Variants in MACROD2 observed in about 807,000 individuals in gnomAD.
MACROD2 encodes the protein ADP-ribose glycohydrolase MACROD2.
In MACROD2, 36 loss-of-function variants were observed where a neutral mutation model predicts 70.4. The observed-to-expected ratio is 0.51, with a 90% CI of 0.39 to 0.68. MACROD2 has a LOEUF of 0.68. Among genes scored for constraint, MACROD2 ranks in the 30% least tolerant of loss-of-function variants. MACROD2 has a pLI of 0.00. For synonymous variants in MACROD2, 172 were observed against 178.8 expected, an observed-to-expected ratio of 0.96 and a Z score of 0.30; for missense variants, 496 against 538.4, an observed-to-expected ratio of 0.92 and a Z score of 0.78.
chr20:14,269,805 T>G (rs558137127), intron 3 of MACROD2, among the ~76,000 whole-genome samples: 9 of 63,238 alleles, frequency 1.4e-4, no homozygotes, highest in African/African-American at 2.6e-4. Context: ...AACTTGTGGG[T>G]TTTTTTTTTA....
chr20:14,839,201 C>T (rs898741783), intron 5 of MACROD2, among the ~76,000 whole-genome samples: 10 of 152,000 alleles, frequency 6.6e-5, no homozygotes, highest in East Asian at 3.9e-4. Flanking sequence ...TGGCTAATGT[C>T]AGTAGCAATA....
At chr20:15,492,921 C>T (rs1793382475) in intron 7 of MACROD2, among the ~76,000 whole-genome samples, 1 of 152,086 alleles carries the variant, frequency 6.6e-6, no homozygotes, top group Non-Finnish European at 1.5e-5. Context: ...CTTTTAGTTA[C>T]TTGGAAGGCT....
At chr20:14,372,367 TACTAAG>T (rs1600172008) in intron 3 of MACROD2, among the ~76,000 whole-genome samples, 1 of 118,458 alleles carries the variant, frequency 8.4e-6, no homozygotes, top group Admixed American at 8.3e-5. Flanking sequence ...CAGAGAGTAA[TACTAAG>T]ACTGTTTCAG....
intron 8 of MACROD2, among the ~76,000 whole-genome samples, chr20:15,678,864 CTAT>C (rs1163246603): frequency 2.6e-5 from 4 of 152,116 alleles, no homozygotes; most frequent in Non-Finnish European, 4.4e-5. Context: ...GAGTGTTTTC[CTAT>C]TTTCTATGAC....
chr20:15,776,647 A>G (rs2051726991), intron 8 of MACROD2, among the ~76,000 whole-genome samples: 1 of 152,192 alleles, frequency 6.6e-6, no homozygotes, highest in African/African-American at 2.4e-5. Flanking sequence ...ACACACCTGC[A>G]AGAGTGGTCT....
At chr20:14,240,078 T>A (rs2081915206) in intron 3 of MACROD2, among the ~76,000 whole-genome samples, 1 of 152,036 alleles carries the variant, frequency 6.6e-6, no homozygotes, top group Admixed American at 6.6e-5. Flanking sequence ...AAGAAGAACA[T>A]GAAAAAATGC....
At chr20:14,543,092 T>C (rs2123238190) in intron 4 of MACROD2, among the ~76,000 whole-genome samples, 1 of 152,270 alleles carries the variant, frequency 6.6e-6, no homozygotes, top group South Asian at 2.1e-4. Flanking sequence ...TCTTCCTCTG[T>C]CCTATACAAT....
chr20:14,771,759 C>G (rs573232063), intron 5 of MACROD2, among the ~76,000 whole-genome samples: 1 of 151,550 alleles, frequency 6.6e-6, no homozygotes, highest in Non-Finnish European at 1.5e-5. Flanking sequence ...CACACACACA[C>G]ACACATACAC....
intron 3 of MACROD2, among the ~76,000 whole-genome samples, chr20:14,162,296 G>A (rs6079329): frequency 0.18 from 27,246 of 152,040 alleles, 3,170 homozygotes; most frequent in Non-Finnish European, 0.25. Context: ...AATGTATAGT[G>A]TATTCTGCTG....
chr20:15,593,596 A>T (rs964748750), intron 8 of MACROD2, among the ~76,000 whole-genome samples: 1 of 152,224 alleles, frequency 6.6e-6, no homozygotes, highest in African/African-American at 2.4e-5. Flanking sequence ...TTAAGACCAC[A>T]TGCTTCAGAT....
rs2084332995 is a variant in MACROD2 at position 14,458,744 on chromosome 20, A to T, written c.272-34735A>T. Among the ~76,000 whole-genome samples the T allele has an allele frequency of 2.0e-5, 3 of 152,178 alleles. No individual in the cohort carries two copies. In the South Asian group the frequency reaches 6.2e-4, roughly 31 times the overall value. ...GAAGGGAAAAAAAAGGCAAGCAGTT[A>T]TGTTGAAAAACCTGAAATATACTGA... On this transcript the variant is annotated intron_variant, in intron 3 of 17. Coordinates refer to ENST00000684519, the MANE Select transcript of MACROD2 (RefSeq NM_001351661.2).
intron 5 of MACROD2, among the ~76,000 whole-genome samples, chr20:15,063,945 G>A (rs554104324): frequency 1.2e-4 from 19 of 152,040 alleles, no homozygotes; most frequent in Non-Finnish European, 2.1e-4. Context: ...ATTTACTGCT[G>A]GAAATAAGGT....
intron 5 of MACROD2, among the ~76,000 whole-genome samples, chr20:15,111,531 A>G (rs2075955591): frequency 6.6e-6 from 1 of 152,124 alleles, no homozygotes; most frequent in African/African-American, 2.4e-5. Context: ...TAAAAGTTCT[A>G]TGGTTGAGGC....
At chr20:15,137,396 C>T (rs1249079315) in intron 5 of MACROD2, among the ~76,000 whole-genome samples, 1 of 151,756 alleles carries the variant, frequency 6.6e-6, no homozygotes, top group Non-Finnish European at 1.5e-5. Flanking sequence ...ATGATGAGTT[C>T]ATGTCTTTTG....
chr20:15,157,048 T>G (rs1008755250), intron 5 of MACROD2, among the ~76,000 whole-genome samples: 1 of 152,198 alleles, frequency 6.6e-6, no homozygotes, highest in Non-Finnish European at 1.5e-5. Context: ...CTTTCACCAC[T>G]ATTTAGTCAC....
At chr20:14,908,362 A>C (rs1249183201) in intron 5 of MACROD2, among the ~76,000 whole-genome samples, 1 of 150,194 alleles carries the variant, frequency 6.7e-6, no homozygotes, top group Non-Finnish European at 1.5e-5. Context: ...ATAAATAAAA[A>C]GTGTATTGTC....
At chr20:15,148,229 T>C (rs2076244605) in intron 5 of MACROD2, among the ~76,000 whole-genome samples, 1 of 151,718 alleles carries the variant, frequency 6.6e-6, no homozygotes, top group African/African-American at 2.4e-5. Flanking sequence ...GAAGATTTTG[T>C]GGTAAGGGAT....
chr20:14,374,393 T>C (rs1411056635), intron 3 of MACROD2, among the ~76,000 whole-genome samples: 1 of 152,152 alleles, frequency 6.6e-6, no homozygotes, highest in Non-Finnish European at 1.5e-5. Flanking sequence ...CTCAGCATTG[T>C]AAGGTCAAGC....
At chr20:15,108,966 C>T (rs2075933477) in intron 5 of MACROD2, among the ~76,000 whole-genome samples, 1 of 152,130 alleles carries the variant, frequency 6.6e-6, no homozygotes, top group African/African-American at 2.4e-5. Context: ...ACAGTTATTA[C>T]CACAGTTATT....
Sources: gnomAD v4.1 joint callset for allele counts (sites outside exome capture counted in the v4.1 genomes callset) on GRCh38, gnomAD v4.1.1 for gene constraint, MANE v1.5 for transcripts, NCBI Gene and HGNC (gene_info 2026-07-23, HGNC 2026-07-21) for gene names.